The following PRKCE variants were observed in gnomAD, a reference collection of about 807,000 sequenced individuals.
PRKCE encodes protein kinase C epsilon type.
A neutral mutation model predicts 85.4 loss-of-function variants in PRKCE; 16 were observed. That is an observed-to-expected ratio of 0.19 (90% CI 0.13 to 0.28). The LOEUF is 0.28. Ranked by LOEUF, PRKCE falls within the 10% of genes least tolerant of loss-of-function variation. PRKCE has a pLI of 1.00. For synonymous variants in PRKCE, 388 were observed against 371.5 expected (o/e 1.04, Z -0.51); for missense variants, 573 against 975.2 (o/e 0.59, Z 5.49).
intron 11 of PRKCE, among the ~76,000 whole-genome samples, chr2:46,126,206 C>T (rs72879727): frequency 3.3e-5 from 5 of 152,196 alleles, no homozygotes; most frequent in Admixed American, 6.5e-5. Flanking sequence ...CTCTGGGTCT[C>T]TTCTTAACCC....
At chr2:45,717,120 G>T (rs1165284874) in intron 1 of PRKCE, among the ~76,000 whole-genome samples, 1 of 152,172 alleles carries the variant, frequency 6.6e-6, no homozygotes, top group Non-Finnish European at 1.5e-5. Flanking sequence ...ACCTGTCCAA[G>T]GTCCCTAAGT....
intron 2 of PRKCE, among the ~76,000 whole-genome samples, chr2:45,917,985 C>A (rs539749895): frequency 5.3e-5 from 8 of 152,234 alleles, no homozygotes; most frequent in African/African-American, 1.2e-4. Flanking sequence ...GCCCGCCAAG[C>A]CCACGCCCAC....
intron 1 of PRKCE, among the ~76,000 whole-genome samples, chr2:45,733,060 T>C (rs919442731): frequency 1.3e-5 from 2 of 152,216 alleles, no homozygotes; most frequent in Non-Finnish European, 2.9e-5. Context: ...TAAACAAATT[T>C]ATTTATAAAC....
chr2:45,968,570 C>T (rs555858642), intron 2 of PRKCE, among the ~76,000 whole-genome samples: 6 of 152,318 alleles, frequency 3.9e-5, no homozygotes, highest in Middle Eastern at 3.4e-3. Context: ...TCTTAGACTT[C>T]GCTACCATGT....
At chr2:45,685,843 G>T (rs1280632966) in intron 1 of PRKCE, among the ~76,000 whole-genome samples, 1 of 152,150 alleles carries the variant, frequency 6.6e-6, no homozygotes, top group Non-Finnish European at 1.5e-5. Context: ...GCTGTGACAG[G>T]TATGCCTGAA....
intron 2 of PRKCE, among the ~76,000 whole-genome samples, chr2:45,858,995 C>T (rs1237877603): frequency 6.6e-6 from 1 of 151,530 alleles, no homozygotes; most frequent in Non-Finnish European, 1.5e-5. Flanking sequence ...GAGCCAAGGT[C>T]AGGGCGTTGT....
At chr2:46,046,551 G>A (rs979603662) in intron 10 of PRKCE, among the ~76,000 whole-genome samples, 12 of 152,178 alleles carry the variant, frequency 7.9e-5, no homozygotes, top group South Asian at 2.1e-4. Context: ...CGATGTACAC[G>A]TCACATTGAA....
intron 10 of PRKCE, among the ~76,000 whole-genome samples, chr2:46,038,620 A>G (rs1359109267): frequency 6.6e-6 from 1 of 151,554 alleles, no homozygotes; most frequent in East Asian, 1.9e-4. Context: ...TTAAATATAT[A>G]CAATGATGGA....
chr2:45,942,069 G>T (rs986930833), intron 2 of PRKCE, among the ~76,000 whole-genome samples: 1 of 152,206 alleles, frequency 6.6e-6, no homozygotes, highest in Non-Finnish European at 1.5e-5. Context: ...TTAGTTTGAA[G>T]TACGGCACCT....
chr2:45,820,981 G>A (rs1689484477), intron 1 of PRKCE, among the ~76,000 whole-genome samples: 1 of 152,008 alleles, frequency 6.6e-6, no homozygotes, highest in African/African-American at 2.4e-5. Flanking sequence ...TGGGTCTGGC[G>A]ACAAATCACC....
intron 14 of PRKCE, among the ~76,000 whole-genome samples, chr2:46,163,715 G>C (rs1197042854): frequency 6.7e-6 from 1 of 148,164 alleles, no homozygotes. Flanking sequence ...ACACCCCAAA[G>C]AGGCCACTGA....
At chr2:45,848,380 G>A (rs989994136) in intron 2 of PRKCE, among the ~76,000 whole-genome samples, 28 of 151,962 alleles carry the variant, frequency 1.8e-4, no homozygotes, top group Non-Finnish European at 1.0e-4. Context: ...GCAGGATCTC[G>A]GCTTACTGCA....
intron 9 of PRKCE, among the ~76,000 whole-genome samples, chr2:46,009,076 C>T (rs55662985): frequency 0.31 from 47,478 of 152,082 alleles, 7,835 homozygotes; most frequent in Middle Eastern, 0.44. Context: ...AGGCTTGTGA[C>T]GTTTGTAGGT....
intron 1 of PRKCE, among the ~76,000 whole-genome samples, chr2:45,708,491 A>AG (rs997678108): frequency 4.6e-5 from 7 of 152,154 alleles, no homozygotes; most frequent in African/African-American, 7.2e-5. Flanking sequence ...TGGTTTTATA[A>AG]GGGGGAGTTT....
intron 1 of PRKCE, among the ~76,000 whole-genome samples, chr2:45,731,915 GC>G (rs1454874941): frequency 6.6e-6 from 1 of 152,106 alleles, no homozygotes; most frequent in Non-Finnish European, 1.5e-5. Flanking sequence ...AATTCCTGGA[GC>G]TTTTTACTGC....
At chr2:45,780,135 A>G (rs561484226) in intron 1 of PRKCE, among the ~76,000 whole-genome samples, 1 of 152,228 alleles carries the variant, frequency 6.6e-6, no homozygotes, top group African/African-American at 2.4e-5. Flanking sequence ...CTTTCATATC[A>G]TCAAATAGCT....
At chr2:45,939,202 G>A (rs1378866271) in intron 2 of PRKCE, among the ~76,000 whole-genome samples, 1 of 152,210 alleles carries the variant, frequency 6.6e-6, no homozygotes, top group African/African-American at 2.4e-5. Flanking sequence ...ATATGGGTGT[G>A]TTTCGGGAAA....
intron 1 of PRKCE, among the ~76,000 whole-genome samples, chr2:45,727,065 T>C (rs1313986162): frequency 2.6e-5 from 4 of 152,224 alleles, no homozygotes; most frequent in Non-Finnish European, 5.9e-5. Context: ...GCAAATTTTC[T>C]AGATAAAGAT....
chr2:45,652,094 C>A lies in PRKCE; in HGVS notation c.-7C>A, dbSNP rs754742928. On this transcript the variant is annotated 5_prime_UTR_variant, in exon 1 of 15. Coordinates refer to ENST00000306156, the MANE Select transcript of PRKCE (RefSeq NM_005400.3). The surrounding 1 kb of genome is among the most constrained non-coding windows in gnomAD (Gnocchi z 7.7). Reference sequence around the variant, plus strand: ...AGTGACCCCGGCCCCCACTCCCCGCCCCGACCATGGTAGTGTTCAATGGCC... The same window carrying A: ...AGTGACCCCGGCCCCCACTCCCCGCACCGACCATGGTAGTGTTCAATGGCC... 5.9e-6 allele frequency: 9 copies of A among 1,533,594 alleles called. No individual in the cohort carries two copies. The East Asian group carries it at 2.0e-4, about 35-fold the overall frequency. 95.0% of individuals were successfully genotyped at this position (1,533,594 alleles called of 1,614,324 possible).
Sources: gnomAD v4.1 joint callset for allele counts (sites outside exome capture counted in the v4.1 genomes callset) on GRCh38, gnomAD v4.1.1 for gene constraint, Gnocchi (gnomAD v3.1) non-coding constraint, MANE v1.5 for transcripts, NCBI Gene and HGNC (gene_info 2026-07-23, HGNC 2026-07-21) for gene names.